USP32: variants seen among roughly 807,000 people sequenced by gnomAD.
USP32 encodes ubiquitin specific peptidase 32, also known as ubiquitin carboxyl-terminal hydrolase 32.
USP32 carries 59 observed loss-of-function variants against 204.8 expected under a neutral mutation model. The ratio of observed to expected loss-of-function variants is 0.29; its 90% CI spans 0.23 to 0.36. The LOEUF (loss-of-function observed/expected upper bound fraction) is 0.36, where lower values mean the gene tolerates loss of function less well. Among genes scored for constraint, USP32 ranks in the 10% least tolerant of loss-of-function variants. The probability of loss-of-function intolerance (pLI) is 1.00; values close to 1 mark genes in which losing one functional copy is unlikely to be tolerated. For missense variants in USP32, 1,160 were observed against 1,946.4 expected (o/e 0.60, Z 7.60); for synonymous variants, 517 against 678.4 (o/e 0.76, Z 3.70).
At chr17:60,192,009 G>A (rs1024636418) in intron 28 of USP32, among the ~76,000 whole-genome samples, 3 of 151,034 alleles carry the variant, frequency 2.0e-5, no homozygotes, top group Admixed American at 6.6e-5. Flanking sequence ...TATATTTAAC[G>A]AGAGGCTTGG....
chr17:60,217,220 A>T (rs1337068085), intron 16 of USP32, among the ~76,000 whole-genome samples: 2 of 152,296 alleles, frequency 1.3e-5, no homozygotes, highest in East Asian at 3.9e-4. Flanking sequence ...AGCAGCAAAA[A>T]TCTAGGATCA....
intron 3 of USP32, among the ~76,000 whole-genome samples, chr17:60,301,003 A>C (rs1242531989): frequency 6.6e-6 from 1 of 152,214 alleles, no homozygotes; most frequent in Admixed American, 6.5e-5. Flanking sequence ...GTTCATCCAT[A>C]CTGTAGCATG....
intron 1 of USP32, among the ~76,000 whole-genome samples, chr17:60,354,090 C>CT (rs1295758944): frequency 6.6e-6 from 1 of 152,110 alleles, no homozygotes; most frequent in Non-Finnish European, 1.5e-5. Context: ...TAAAGGTAAG[C>CT]TTTTTTCTTG....
At chr17:60,387,085 A>G (rs1598307957) in intron 1 of USP32, among the ~76,000 whole-genome samples, 1 of 152,230 alleles carries the variant, frequency 6.6e-6, no homozygotes, top group Non-Finnish European at 1.5e-5. Flanking sequence ...AAGTGCTTTA[A>G]TAAGGGAGAT....
intron 29 of USP32, among the ~76,000 whole-genome samples, chr17:60,187,780 C>T (rs73320986): frequency 0.03 from 4,594 of 152,104 alleles, 245 homozygotes; most frequent in African/African-American, 0.1. Flanking sequence ...TTCCCTTTAC[C>T]TCTTGGGATC....
intron 1 of USP32, among the ~76,000 whole-genome samples, chr17:60,353,573 T>C (rs932323752): frequency 6.6e-6 from 1 of 151,952 alleles, no homozygotes; most frequent in African/African-American, 2.4e-5. Context: ...AAACACCATC[T>C]CTACTAAAAA....
chr17:60,253,953 TTA>T (rs1196798264), intron 10 of USP32, among the ~76,000 whole-genome samples: 3 of 152,162 alleles, frequency 2.0e-5, no homozygotes, highest in Non-Finnish European at 1.5e-5. Context: ...GCCTATCAGA[TTA>T]TATATGTTTT....
At chr17:60,312,229 C>A (rs1321285837) in intron 2 of USP32, among the ~76,000 whole-genome samples, 1 of 152,200 alleles carries the variant, frequency 6.6e-6, no homozygotes, top group Non-Finnish European at 1.5e-5. Flanking sequence ...AGTTTGAAGT[C>A]ACTTTGTTAA....
chr17:60,185,922 T>G (rs750308890), intron 29 of USP32: 9 of 309,924 alleles, frequency 2.9e-5, no homozygotes, highest in African/African-American at 1.9e-4. Flanking sequence ...AAAAATTAGC[T>G]GGGCATTGTG....
intron 1 of USP32, among the ~76,000 whole-genome samples, chr17:60,417,233 T>A (rs1441301987): frequency 6.6e-6 from 1 of 151,986 alleles, no homozygotes; most frequent in Non-Finnish European, 1.5e-5. Flanking sequence ...CTTTCTTTCT[T>A]TCTTTTTATT....
chr17:60,204,190 ACAAAACAAAAAAACCAACCC>A (rs2084763937), intron 26 of USP32, among the ~76,000 whole-genome samples: 1 of 152,332 alleles, frequency 6.6e-6, no homozygotes, highest in Admixed American at 6.5e-5. Context: ...AAAAAACAAA[ACAAAACAAAAAAACCAACCC>A]CAAAACAAAA....
At chr17:60,357,165 T>A (rs770388437) in intron 1 of USP32, among the ~76,000 whole-genome samples, 2 of 151,970 alleles carry the variant, frequency 1.3e-5, no homozygotes, top group South Asian at 2.1e-4. Flanking sequence ...GAACAACAAA[T>A]GAAGAGGCCA....
chr17:60,339,066 C>T (rs1171760296), intron 2 of USP32, among the ~76,000 whole-genome samples: 8 of 151,760 alleles, frequency 5.3e-5, no homozygotes, highest in South Asian at 2.1e-4. Context: ...CCCGCCACCA[C>T]GCCCAGCTAA....
intron 15 of USP32, among the ~76,000 whole-genome samples, chr17:60,220,897 C>T (rs867028492): frequency 1.3e-5 from 2 of 152,094 alleles, no homozygotes; most frequent in African/African-American, 4.8e-5. Flanking sequence ...ATCCGCCCGC[C>T]TCAGCCTCCC....
intron 11 of USP32, among the ~76,000 whole-genome samples, chr17:60,244,170 G>A (rs975537145): frequency 1.2e-4 from 18 of 150,904 alleles, no homozygotes; most frequent in African/African-American, 4.4e-4. Flanking sequence ...CGAGTAGCTG[G>A]GACTATAGGC....
chr17:60,222,752 G>A (rs778040873), intron 14 of USP32, among the ~76,000 whole-genome samples: 7 of 143,878 alleles, frequency 4.9e-5, no homozygotes, highest in Admixed American at 1.5e-4. Flanking sequence ...CGCGATCTTC[G>A]CTTGCTGCAG....
rs371582167 is a variant in USP32, at chr17:60,375,406, CTCTA to C, written c.58+16472_58+16475del. Among the ~76,000 whole-genome samples, 1,440 of 152,192 alleles carry C rather than the reference CTCTA, an allele frequency of 9.5e-3. 31 individuals are homozygous for C. The highest frequency in any genetic ancestry group is 0.033 in the African/African-American group (1,380 of 41,522). On this transcript the variant is annotated intron_variant, in intron 1 of 33. Coordinates refer to ENST00000300896, the MANE Select transcript of USP32 (RefSeq NM_032582.4). ...TGACTACATATAATATAGATTTACTCTCTATCTTAGTAATTTTCATCTTTATCAT... is the reference window on the plus strand; with the variant it reads ...TGACTACATATAATATAGATTTACTCTCTTAGTAATTTTCATCTTTATCAT...
chr17:60,201,543 C>T (rs1419696715), intron 26 of USP32, among the ~76,000 whole-genome samples: 1 of 152,104 alleles, frequency 6.6e-6, no homozygotes, highest in East Asian at 1.9e-4. Context: ...TATGAGAGTT[C>T]CTGTTGCTCT....
At chr17:60,356,425 A>C (rs2089079132) in intron 1 of USP32, among the ~76,000 whole-genome samples, 1 of 152,116 alleles carries the variant, frequency 6.6e-6, no homozygotes, top group Non-Finnish European at 1.5e-5. Flanking sequence ...ACCTCCACAC[A>C]AGCAGGAAGT....
Sources: gnomAD v4.1 joint callset for allele counts (sites outside exome capture counted in the v4.1 genomes callset) on GRCh38, gnomAD v4.1.1 for gene constraint, MANE v1.5 for transcripts, NCBI Gene and HGNC (gene_info 2026-07-23, HGNC 2026-07-21) for gene names.